Variants in ZNF141 observed in about 807,000 individuals in gnomAD.
ZNF141 encodes zinc finger protein 141 (clone pHZ-44).
In ZNF141, 7 loss-of-function variants were observed where a neutral mutation model predicts 11.3. The ratio of observed to expected loss-of-function variants is 0.62; its 90% confidence interval spans 0.35 to 1.16. The LOEUF is 1.16. ZNF141 is among the 50% of genes most tolerant of loss of function. The pLI is 0.02. For synonymous variants in ZNF141, 183 were observed against 190.7 expected, an observed-to-expected ratio of 0.96 and a Z score of 0.33; for missense variants, 535 against 554.0, an observed-to-expected ratio of 0.97 and a Z score of 0.34.
At chr4:349,974 G>A (rs1312448743) in intron 3 of ZNF141, among the ~76,000 whole-genome samples, 2 of 147,776 alleles carry the variant, frequency 1.4e-5, no homozygotes, top group African/African-American at 5.1e-5. Flanking sequence ...GCCATGGACT[G>A]TGACTGTGAG....
chr4:371,376 C>T (rs1452890704), intron 3 of ZNF141, among the ~76,000 whole-genome samples: 1 of 151,438 alleles, frequency 6.6e-6, no homozygotes, highest in Non-Finnish European at 1.5e-5. Flanking sequence ...GGACTACAGG[C>T]ATGGGCCACC....
Position 373,260 on chromosome 4 carries a change from A to C in ZNF141, c.823A>C (p.Arg275=), listed in dbSNP as rs1712171822. ...GTTCACAACCCTTACTAAACATAAG[A>C]GAATTCATGCTGGAGAGAAACCCAT... The part of the protein sequence containing the change: ...NRFTTLTKHK[R]IHAGEKPITC... Residue 275 remains arginine (R), a synonymous_variant, in exon 4 of 4, where the codon AGA becomes CGA. Transcript: ENST00000240499. 1 of 1,613,794 alleles carries C rather than the reference A, an allele frequency of 6.2e-7. No individual in the cohort carries two copies. Among genetic ancestry groups the C allele is most frequent in the East Asian group, 2.2e-5 (1 of 44,830 alleles).
intron 3 of ZNF141, among the ~76,000 whole-genome samples, chr4:370,682 T>G (rs1005323084): frequency 2.6e-5 from 4 of 152,230 alleles, no homozygotes; most frequent in Non-Finnish European, 5.9e-5. Context: ...TTGCTTATTA[T>G]GTGCTTTGTT....
rs1712139182 is a variant in ZNF141, at chr4:372,838, A to G, written c.401A>G (p.Asn134Ser). ...CAGAAAGGAGGTTATAATGAATTTAATGAATGCTTGTCAACTACCCAGAGC... is the reference window on the plus strand; with the variant it reads ...CAGAAAGGAGGTTATAATGAATTTAGTGAATGCTTGTCAACTACCCAGAGC... ...KLQKGGYNEFNECLSTTQSKI... is the reference protein window; with the variant it reads ...KLQKGGYNEFSECLSTTQSKI... Residue 134 changes from asparagine to serine, a missense_variant, in exon 4 of 4, where the codon AAT becomes AGT. Physicochemically the swap from Asn to Ser is conservative, Grantham distance 46 (BLOSUM62 1). Coordinates refer to ENST00000240499, the MANE Select transcript of ZNF141 (RefSeq NM_003441.4). 3 of 1,612,984 alleles carry G rather than the reference A, an allele frequency of 1.9e-6. No homozygotes were observed. Among genetic ancestry groups the G allele is most frequent in the Non-Finnish European group, 2.5e-6 (3 of 1,179,304 alleles).
Position 364,366 on chromosome 4 carries a change from A to G in ZNF141, c.227-8298A>G, listed in dbSNP as rs572626231. On this transcript the variant is annotated intron_variant, in intron 3 of 3. Transcript: ENST00000240499. ...GGCTATTAATTATTGCCTCAATTTCAGAGCCTGTTATTGGTCTATTCAGAG... is the reference window on the plus strand; with the variant it reads ...GGCTATTAATTATTGCCTCAATTTCGGAGCCTGTTATTGGTCTATTCAGAG... Among the ~76,000 whole-genome samples the G allele has an allele frequency of 5.9e-5, 9 of 152,284 alleles. 1 individual carries two copies. Among genetic ancestry groups the G allele is most frequent in the Middle Eastern group, 6.8e-3 (2 of 294 alleles).
intron 3 of ZNF141, among the ~76,000 whole-genome samples, chr4:367,405 G>C (rs535597576): frequency 1.3e-5 from 2 of 152,152 alleles, no homozygotes; most frequent in South Asian, 2.1e-4. Context: ...ATCTATATTT[G>C]TGTGTGGGAG....
At chr4:343,343 C>A (rs373788688) in intron 1 of ZNF141, among the ~76,000 whole-genome samples, 13 of 152,284 alleles carry the variant, frequency 8.5e-5, no homozygotes, top group East Asian at 7.7e-4. Context: ...AATATTACTG[C>A]GTTGAAAGTT....
In ZNF141 at chr4:380,704, T is replaced by G. The variant is rs1296179235; in HGVS notation, c.*6842T>G. ...TCACAGAAAATTAATAGCATAGGTA[T>G]TATTATCCTCATTTTACAGAGAAAG... On this transcript the variant is annotated 3_prime_UTR_variant, in exon 4 of 4. Coordinates refer to ENST00000240499, the MANE Select transcript of ZNF141 (RefSeq NM_003441.4). Among the ~76,000 whole-genome samples the G allele has an allele frequency of 1.3e-5, 2 of 151,884 alleles. No homozygotes were observed. Among genetic ancestry groups the G allele is most frequent in the African/African-American group, 4.8e-5 (2 of 41,340 alleles).
At chr4:369,764 A>ATATATATT in intron 3 of ZNF141, among the ~76,000 whole-genome samples, 57 of 48,726 alleles carry the variant, frequency 1.2e-3, no homozygotes, top group East Asian at 1.4e-3. Flanking sequence ...ATATATATAT[A>ATATATATT]TTTTTTTTTT....
At chr4:340,655 T>G (rs1192830525) in intron 1 of ZNF141, among the ~76,000 whole-genome samples, 1 of 152,242 alleles carries the variant, frequency 6.6e-6, no homozygotes, top group Non-Finnish European at 1.5e-5. Flanking sequence ...GAAATACAAG[T>G]TCTTTTAATT....
chr4:351,668 G>C (rs1355658162), intron 3 of ZNF141, among the ~76,000 whole-genome samples: 5 of 152,128 alleles, frequency 3.3e-5, no homozygotes, highest in Admixed American at 1.3e-4. Context: ...ATAAAACTAA[G>C]TGAATAACCT....
At chr4:344,486 G>A (rs1721223886) in intron 3 of ZNF141, 56 bp downstream of exon 3, 1 of 1,500,274 alleles carries the variant, frequency 6.7e-7, no homozygotes, top group Non-Finnish European at 9.1e-7. Flanking sequence ...AGGTCAAGAA[G>A]GAAGCCAGGC....
intron 3 of ZNF141, among the ~76,000 whole-genome samples, chr4:357,190 C>G (rs1400431304): frequency 2.0e-5 from 3 of 152,162 alleles, no homozygotes; most frequent in Admixed American, 6.6e-5. Flanking sequence ...AACTCCTGAC[C>G]TCAAGCACTT....
rs1553854097 is a variant in ZNF141, at chr4:373,684, T to C, written c.1247T>C (p.Ile416Thr). The stretch of plus-strand genomic sequence containing the variant: ...ACAGATCGGAGTCAACATAAGAAAA[T>C]TCATAGTGCAGATAAACCCTACAAA... Reference protein sequence around the residue: ...RSTDRSQHKKIHSADKPYKCK... With the variant: ...RSTDRSQHKKTHSADKPYKCK... The change falls in exon 4 of 4, where the codon ATT becomes ACT. Residue 416 changes from isoleucine (I) to threonine (T), a missense_variant. By Grantham distance (89) the Ile-to-Thr change is moderately conservative. Transcript: ENST00000240499. 1.2e-6 allele frequency: 2 copies of C among 1,613,922 alleles called. No homozygotes were observed. The highest frequency in any genetic ancestry group is 1.7e-6 in the Non-Finnish European group (2 of 1,179,982).
In ZNF141 at chr4:373,473, A is replaced by C; in HGVS notation, c.1036A>C (p.Lys346Gln). 2 of 1,614,188 alleles carry C rather than the reference A, an allele frequency of 1.2e-6. No individual in the cohort carries two copies. The highest frequency in any genetic ancestry group is 1.7e-6 in the Non-Finnish European group (2 of 1,180,034). The change falls in exon 4 of 4, where the codon AAA becomes CAA. Residue 346 changes from lysine (K) to glutamine (Q), a missense_variant. By Grantham distance (53) the Lys-to-Gln change is moderately conservative. Transcript: ENST00000240499. ...EKPYTCEECG[K>Q]AFRQSSKLNE... ...ACCCTACACATGTGAAGAATGTGGCAAAGCTTTTAGACAGTCCTCAAAACT... is the reference window on the plus strand; with the variant it reads ...ACCCTACACATGTGAAGAATGTGGCCAAGCTTTTAGACAGTCCTCAAAACT...
chr4:342,719 C>G, intron 1 of ZNF141: 11 of 1,118,238 alleles, frequency 9.8e-6, no homozygotes, highest in Non-Finnish European at 1.5e-5. Context: ...GCCCACAGAT[C>G]CTGTCCATTG....
At position 381,751 on chromosome 4, in the gene ZNF141, A is replaced by G. The variant is rs1295937627; in HGVS notation, c.*7889A>G. ...TCCACATTTATGCAGCCATCTGGGA[A>G]GAAAGGAGACTTTTTACAACAGAGA... On this transcript the variant is annotated 3_prime_UTR_variant, in exon 4 of 4. Transcript: ENST00000240499. Among the ~76,000 whole-genome samples the G allele has an allele frequency of 6.6e-6, 1 of 151,876 alleles. No individual in the cohort carries two copies. Among genetic ancestry groups the G allele is most frequent in the Admixed American group, 6.6e-5 (1 of 15,252 alleles).
intron 3 of ZNF141, among the ~76,000 whole-genome samples, chr4:357,575 A>G (rs1315550968): frequency 2.6e-5 from 4 of 152,122 alleles, no homozygotes; most frequent in Non-Finnish European, 5.9e-5. Flanking sequence ...AATTTAAGAC[A>G]TTATACCTTT....
At position 378,524 on chromosome 4, in the gene ZNF141, T is replaced by G. The variant is rs1553855006; in HGVS notation, c.*4662T>G. Among the ~76,000 whole-genome samples, 1 of 152,140 alleles carries G rather than the reference T, an allele frequency of 6.6e-6. No individual in the cohort carries two copies. The highest frequency in any genetic ancestry group is 1.5e-5 in the Non-Finnish European group (1 of 68,018). ...ACCTCATGATCTGCCTGCCTTGGCC[T>G]CCTGAAGTACTGGGATTACAGGCAT... On this transcript the variant is annotated 3_prime_UTR_variant, in exon 4 of 4. Transcript: ENST00000240499.
Sources: allele counts gnomAD v4.1 joint callset (sites outside exome capture counted in the v4.1 genomes callset), GRCh38; gene constraint gnomAD v4.1.1; transcripts MANE v1.5; gene names NCBI Gene and HGNC (gene_info 2026-07-23, HGNC 2026-07-21).